The following VPS4A variants were observed in gnomAD, a reference collection of about 807,000 sequenced individuals.
VPS4A encodes the protein vacuolar protein sorting 4 homolog A, also known as vacuolar protein sorting-associated protein 4A.
Under a neutral mutation model 52.3 loss-of-function variants are expected in VPS4A, and 20 were observed. The ratio of observed to expected loss-of-function variants is 0.38; its 90% confidence interval spans 0.27 to 0.56. The LOEUF (loss-of-function observed/expected upper bound fraction) is 0.56, where lower values mean the gene tolerates loss of function less well. VPS4A is among the 20% of genes least tolerant of loss of function. The probability of loss-of-function intolerance (pLI) is 0.72; values close to 1 mark genes in which losing one functional copy is unlikely to be tolerated. For missense variants in VPS4A, 419 were observed against 575.9 expected, an observed-to-expected ratio of 0.73 and a Z score of 2.79; for synonymous variants, 293 against 227.7, an observed-to-expected ratio of 1.29 and a Z score of -2.58.
chr16:69,316,264 C>T lies in VPS4A; in HGVS notation c.173C>T (p.Ala58Val), dbSNP rs1965435565. 1 of 1,613,774 alleles carries T rather than the reference C, an allele frequency of 6.2e-7. No individual in the cohort carries two copies. Among genetic ancestry groups the T allele is most frequent in the Non-Finnish European group, 8.5e-7 (1 of 1,179,874 alleles). ...GACAAGGCCAAGGAGAGCATTCGAG[C>T]CAAGTGCGTGCAGTACCTAGACCGG... ...HSDKAKESIR[A>V]KCVQYLDRAE... Residue 58 changes from alanine (A) to valine (V), a missense_variant, in exon 3 of 11, where the codon GCC becomes GTC. Ala to Val is a moderately conservative substitution (Grantham distance 64, BLOSUM62 0). This residue lies in a region of VPS4A where 131 missense variants were observed against 165.4 expected (regional missense o/e 0.79). Transcript: ENST00000254950.
chr16:69,322,707 G>A lies in VPS4A; in HGVS notation c.1212+7G>A, dbSNP rs377446911. 2.5e-5 allele frequency: 40 copies of A among 1,611,628 alleles called. No homozygotes were observed. The highest frequency in any genetic ancestry group is 3.3e-5 in the Non-Finnish European group (39 of 1,178,566). On this transcript the variant is annotated splice_region_variant and intron_variant, in intron 10 of 10. Coordinates refer to ENST00000254950, the MANE Select transcript of VPS4A (RefSeq NM_013245.3). ...AGAGCCTGTGGTTTGCATGGTAAGT[G>A]ACTTGACAGGGGAGGGAAGAGGGCT... is the stretch of plus-strand genomic sequence containing the variant.
intron 1 of VPS4A, among the ~76,000 whole-genome samples, chr16:69,313,972 A>G (rs1291696936): frequency 6.7e-6 from 1 of 149,392 alleles, no homozygotes; most frequent in East Asian, 1.9e-4. Flanking sequence ...CTGCCAGAAA[A>G]GTCCAGTGCA....
rs1965561279 is a variant in VPS4A at position 69,324,649 on chromosome 16, G to A, written c.*340G>A. 5 of 263,358 alleles carry A rather than the reference G, an allele frequency of 1.9e-5. No individual in the cohort carries two copies. In the South Asian group the frequency reaches 2.4e-4, roughly 13 times the overall value. 16.3% of individuals were successfully genotyped at this position (263,358 alleles called of 1,614,324 possible). A position where few individuals can be genotyped will look rare whatever the true frequency, so the allele number is the denominator to read the frequency against. On this transcript the variant is annotated 3_prime_UTR_variant, in exon 11 of 11. Transcript: ENST00000254950. Reference sequence around the variant, plus strand: ...CTTATTTATAAAGATAAAATCACCTGGAAGTGTCAAGGAGTGGGGCGGGGT... The same window carrying A: ...CTTATTTATAAAGATAAAATCACCTAGAAGTGTCAAGGAGTGGGGCGGGGT...
At position 69,320,603 on chromosome 16, in the gene VPS4A, A is replaced by T. The variant is rs1232926129; in HGVS notation, c.770-85A>T. ...CAGGGATGGCTTCAATTGCTGACAC[A>T]CAAAGCCCCCGGGGTCTGTCCCCAG... is the stretch of plus-strand genomic sequence containing the variant. On this transcript the variant is annotated intron_variant, in intron 7 of 10. Transcript: ENST00000254950. This position sits in a 1 kb window ranked among gnomAD's most constrained non-coding sequence, Gnocchi z 4.2. 8.1e-7 allele frequency: 1 copy of T among 1,230,838 alleles called. No individual in the cohort carries two copies. The highest frequency in any genetic ancestry group is 1.5e-5 in the African/African-American group (1 of 66,432). The allele number at this position is 1,230,838 out of a possible 1,614,324, so 76.2% of individuals were successfully genotyped here.
At chr16:69,312,259 G>T (rs1324030557) in intron 1 of VPS4A, among the ~76,000 whole-genome samples, 1 of 152,112 alleles carries the variant, frequency 6.6e-6, no homozygotes, top group Non-Finnish European at 1.5e-5. Flanking sequence ...TTGTTGTGAT[G>T]ATAGCTTTAA....
chr16:69,323,076 A>G (rs76467962), intron 10 of VPS4A: 3,526 of 164,462 alleles, frequency 0.021, 63 homozygotes, highest in Non-Finnish European at 0.03. Context: ...TCAAAAATAA[A>G]AAATAGTCTT....
intron 3 of VPS4A, among the ~76,000 whole-genome samples, chr16:69,317,655 T>C (rs961274437): frequency 7.2e-5 from 11 of 152,064 alleles, no homozygotes; most frequent in Non-Finnish European, 1.0e-4. Context: ...TAGCCGGGCG[T>C]GGTGGCGGGC....
chr16:69,313,096 A>C (rs1965397034), intron 1 of VPS4A, among the ~76,000 whole-genome samples: 1 of 151,700 alleles, frequency 6.6e-6, no homozygotes, highest in Admixed American at 6.6e-5. Flanking sequence ...CTCCTGCCTC[A>C]GCCTCCCAAG....
Position 69,320,999 on chromosome 16 carries a change from A to G in VPS4A, c.852-52A>G. ...AAATCTTCGTGCCTCCCCTTCCGTGAATACCATTCCATCATCCGCTGTCAA... is the reference window on the plus strand; with the variant it reads ...AAATCTTCGTGCCTCCCCTTCCGTGGATACCATTCCATCATCCGCTGTCAA... On this transcript the variant is annotated intron_variant, in intron 8 of 10. Transcript: ENST00000254950. This position sits in a 1 kb window ranked among gnomAD's most constrained non-coding sequence, Gnocchi z 4.2. 1 of 1,521,178 alleles carries G rather than the reference A, an allele frequency of 6.6e-7. No homozygotes were observed. The highest frequency in any genetic ancestry group is 8.9e-7 in the Non-Finnish European group (1 of 1,119,654). The allele number at this position is 1,521,178 out of a possible 1,614,324, so 94.2% of individuals were successfully genotyped here.
At position 69,324,529 on chromosome 16, in the gene VPS4A, TTCC is replaced by T. The variant is rs1248313355; in HGVS notation, c.*226_*228del. The T allele has an allele frequency of 1.8e-6, 1 of 552,586 alleles. No individual in the cohort carries two copies. The highest frequency in any genetic ancestry group is 1.9e-5 in the African/African-American group (1 of 53,098). 34.2% of individuals were successfully genotyped at this position (552,586 alleles called of 1,614,324 possible). On this transcript the variant is annotated 3_prime_UTR_variant, in exon 11 of 11. Transcript: ENST00000254950. ...ACACAGTGGACACTGCTCTTCCTAC[TTCC>T]TCCTCTCCTGGATGCTCATCAGCTC...
At chr16:69,315,528 G>A (rs970527308) in intron 1 of VPS4A, among the ~76,000 whole-genome samples, 3 of 152,200 alleles carry the variant, frequency 2.0e-5, no homozygotes, top group African/African-American at 7.2e-5. Context: ...TGTATCCTGT[G>A]CAAACTTGCA....
rs1965580382 is a variant in VPS4A, at chr16:69,325,526, G to C, written c.*1217G>C. 6.6e-6 allele frequency: 1 copy of C among 152,128 alleles called. No individual in the cohort carries two copies. Among genetic ancestry groups the C allele is most frequent in the Non-Finnish European group, 1.5e-5 (1 of 68,038 alleles). 9.4% of individuals were successfully genotyped at this position (152,128 alleles called of 1,614,324 possible). ...CGACGCGGGCGGATCACAAGGTCAGGAAATCGAGAACATCCTGGCTAACAC... is the reference window on the plus strand; with the variant it reads ...CGACGCGGGCGGATCACAAGGTCAGCAAATCGAGAACATCCTGGCTAACAC... On this transcript the variant is annotated 3_prime_UTR_variant, in exon 11 of 11. Transcript: ENST00000254950.
rs1019819661 is a variant in VPS4A, at chr16:69,323,376, C to T, written c.1212+676C>T. 29 of 241,622 alleles carry T rather than the reference C, an allele frequency of 1.2e-4. No individual in the cohort carries two copies. In the Admixed American group the frequency reaches 1.5e-3, roughly 13 times the overall value. 15.0% of individuals were successfully genotyped at this position (241,622 alleles called of 1,614,324 possible). A position where few individuals can be genotyped will look rare whatever the true frequency, so the allele number is the denominator to read the frequency against. ...TGTTGCCCAGGCCAGTCTGAAACTG[C>T]TGGGCTCAAGTGATCCTCTCAGCGT... On this transcript the variant is annotated intron_variant, in intron 10 of 10. Coordinates refer to ENST00000254950, the MANE Select transcript of VPS4A (RefSeq NM_013245.3).
intron 3 of VPS4A, among the ~76,000 whole-genome samples, chr16:69,317,953 C>CAAAA (rs35907075): frequency 2.6e-4 from 12 of 45,916 alleles, no homozygotes; most frequent in African/African-American, 4.7e-4. Flanking sequence ...GGCACCATCT[C>CAAAA]AAAAAAAAAA....
Position 69,321,360 on chromosome 16 carries a change from G to A in VPS4A, c.1071+90G>A, listed in dbSNP as rs546775953. ...TTCCCAGCTCCTGGTCCTGCTCCCCGGCTGCTCAGGTGACACAGTCTCTGA... is the reference window on the plus strand; with the variant it reads ...TTCCCAGCTCCTGGTCCTGCTCCCCAGCTGCTCAGGTGACACAGTCTCTGA... On this transcript the variant is annotated intron_variant, in intron 9 of 10. Coordinates refer to ENST00000254950, the MANE Select transcript of VPS4A (RefSeq NM_013245.3). This position sits in a 1 kb window ranked among gnomAD's most constrained non-coding sequence, Gnocchi z 4.5. The A allele has an allele frequency of 1.8e-5, 25 of 1,406,780 alleles. No homozygotes were observed. The highest frequency in any genetic ancestry group is 4.3e-5 in the African/African-American group (3 of 70,306). 87.1% of individuals were successfully genotyped at this position (1,406,780 alleles called of 1,614,324 possible). A position where few individuals can be genotyped will look rare whatever the true frequency, so the allele number is the denominator to read the frequency against.
At chr16:69,316,466 A>G in intron 3 of VPS4A, 94 bp downstream of exon 3, 1 of 1,526,770 alleles carries the variant, frequency 6.5e-7, no homozygotes, top group Non-Finnish European at 8.9e-7. Flanking sequence ...TCCCTGTGGG[A>G]ATGGTCCTCA....
At chr16:69,318,750 A>G (rs533526482) in intron 4 of VPS4A, 39 bp downstream of exon 4, 1 of 1,613,150 alleles carries the variant, frequency 6.2e-7, no homozygotes, top group South Asian at 1.1e-5. Flanking sequence ...GCAGGGGATG[A>G]GAGTGGGTCC....
intron 10 of VPS4A, among the ~76,000 whole-genome samples, chr16:69,323,944 CAAAAAAA>C (rs373024058): frequency 9.0e-5 from 9 of 99,530 alleles, no homozygotes; most frequent in African/African-American, 1.8e-4. Context: ...ACTCCGTCTC[CAAAAAAA>C]AAAAAAAAAA....
rs1567424047 is a variant in VPS4A at position 69,320,337 on chromosome 16, C to T, written c.769+48C>T. 6.3e-7 allele frequency: 1 copy of T among 1,596,434 alleles called. No individual in the cohort carries two copies. Among genetic ancestry groups the T allele is most frequent in the Non-Finnish European group, 8.6e-7 (1 of 1,167,334 alleles). Reference sequence around the variant, plus strand: ...CCTTGGTTCTTGTTGCACCTGAAGCCAACCCTGGGCTTTATTCTGAGCTGC... The same window carrying T: ...CCTTGGTTCTTGTTGCACCTGAAGCTAACCCTGGGCTTTATTCTGAGCTGC... On this transcript the variant is annotated intron_variant, in intron 7 of 10. Coordinates refer to ENST00000254950, the MANE Select transcript of VPS4A (RefSeq NM_013245.3). This position sits in a 1 kb window ranked among gnomAD's most constrained non-coding sequence, Gnocchi z 4.2.
Sources: gnomAD v4.1 joint callset for allele counts (sites outside exome capture counted in the v4.1 genomes callset) on GRCh38, gnomAD v4.1.1 for gene constraint, gnomAD v4.1.1 regional missense constraint, Gnocchi (gnomAD v3.1) non-coding constraint, MANE v1.5 for transcripts, NCBI Gene and HGNC (gene_info 2026-07-23, HGNC 2026-07-21) for gene names.